Variants in SLC1A7 observed in about 807,000 individuals in gnomAD.
SLC1A7 encodes excitatory amino acid transporter 5.
A neutral mutation model predicts 47.7 loss-of-function variants in SLC1A7; 40 were observed. The observed-to-expected ratio is 0.84, with a 90% CI of 0.65 to 1.09. SLC1A7 has a LOEUF of 1.09. SLC1A7 is among the 50% of genes least tolerant of loss of function. The pLI is 0.00. For missense variants in SLC1A7, 746 were observed against 769.5 expected (o/e 0.97, Z 0.36); for synonymous variants, 323 against 325.6 (o/e 0.99, Z 0.09).
intron 1 of SLC1A7, among the ~76,000 whole-genome samples, chr1:53,136,642 C>CAT (rs1356035272): frequency 7.1e-5 from 6 of 84,572 alleles, no homozygotes; most frequent in Admixed American, 1.6e-4. Flanking sequence ...TATATAAAAA[C>CAT]ATATATATAT....
chr1:53,135,208 G>A (rs1215951622), intron 1 of SLC1A7, among the ~76,000 whole-genome samples: 1 of 152,172 alleles, frequency 6.6e-6, no homozygotes, highest in Non-Finnish European at 1.5e-5. Flanking sequence ...GGTGACCAGA[G>A]GACAGAGCCG....
At position 53,088,779 on chromosome 1, in the gene SLC1A7, G is replaced by A; in HGVS notation, c.1464+98C>T. On this transcript the variant is annotated intron_variant, in intron 10 of 10. Transcript: ENST00000371494. ...GCCCAGAGGCATGGAGGGAGGGATT[G>A]GCTGGAGGCTGCCGAGCTGGTTGGT... 7.4e-6 allele frequency: 6 copies of A among 812,770 alleles called. 1 individual carries two copies. The South Asian group carries it at 9.9e-5, about 13-fold the overall frequency. The allele number at this position is 812,770 out of a possible 1,614,324, so 50.3% of individuals were successfully genotyped here. A position where few individuals can be genotyped will look rare whatever the true frequency, so the allele number is the denominator to read the frequency against.
chr1:53,141,176 G>A (rs1645052992), intron 1 of SLC1A7, among the ~76,000 whole-genome samples: 1 of 152,114 alleles, frequency 6.6e-6, no homozygotes, highest in African/African-American at 2.4e-5. Context: ...TGCCAAGTCA[G>A]TTTAGTGAGG....
chr1:53,102,390 C>T (rs1219082564), intron 5 of SLC1A7: 1 of 152,358 alleles, frequency 6.6e-6, no homozygotes, highest in Non-Finnish European at 1.5e-5. Flanking sequence ...TCCTTGCAAT[C>T]GAGTCTAGTG....
intron 1 of SLC1A7, among the ~76,000 whole-genome samples, chr1:53,137,278 C>T (rs372926370): frequency 0.02 from 631 of 30,966 alleles, 9 homozygotes; most frequent in Non-Finnish European, 0.032. Flanking sequence ...CAGAGGGAGA[C>T]GCTATCTCCA....
rs370418499 is a variant in SLC1A7 at position 53,138,771 on chromosome 1, C to T, written c.135+3544G>A. Among the ~76,000 whole-genome samples, 223 of 152,290 alleles carry T rather than the reference C, an allele frequency of 1.5e-3. 1 individual carries two copies. The highest frequency in any genetic ancestry group is 5.2e-3 in the African/African-American group (215 of 41,572). ...GTTCAAATCAGGGTATTCAGGGTCT[C>T]CAACACTTCGAGTATTTATCCTTTC... On this transcript the variant is annotated intron_variant, in intron 1 of 10. Transcript: ENST00000371494.
chr1:53,088,090 T>A lies in SLC1A7; in HGVS notation c.1602A>T (p.Gln534His), dbSNP rs1644379283. The A allele has an allele frequency of 6.2e-7, 1 of 1,611,124 alleles. No homozygotes were observed. The highest frequency in any genetic ancestry group is 1.3e-5 in the African/African-American group (1 of 75,010). The change falls in exon 11 of 11, where the codon CAA becomes CAT. Residue 534 changes from glutamine to histidine, a missense_variant. By Grantham distance (24) the Gln-to-His change is conservative (BLOSUM62 0). Coordinates refer to ENST00000371494, the MANE Select transcript of SLC1A7 (RefSeq NM_006671.6). ...CGGGCAGCTCCTCATCCTGCTCCACTTGAACGGGGACGTGGTGGGGGCAGG... is the reference window on the plus strand; with the variant it reads ...CGGGCAGCTCCTCATCCTGCTCCACATGAACGGGGACGTGGTGGGGGCAGG... ...GPTCPHHVPV[Q>H]VEQDEELPAA...
chr1:53,098,634 G>A (rs749023032), intron 5 of SLC1A7, among the ~76,000 whole-genome samples: 39 of 141,022 alleles, frequency 2.8e-4, no homozygotes, highest in Non-Finnish European at 4.9e-4. Context: ...ACCTCAGTAC[G>A]TTCACACACA....
chr1:53,141,268 C>T (rs1198886512), intron 1 of SLC1A7, among the ~76,000 whole-genome samples: 1 of 152,142 alleles, frequency 6.6e-6, no homozygotes, highest in Non-Finnish European at 1.5e-5. Context: ...CTGCCTTCAA[C>T]AAGAATCCCC....
At chr1:53,094,798 C>T (rs2150317071) in intron 5 of SLC1A7, among the ~76,000 whole-genome samples, 1 of 152,352 alleles carries the variant, frequency 6.6e-6, no homozygotes, top group South Asian at 2.1e-4. Context: ...TTGGATTTTC[C>T]CAGGGGCATC....
At chr1:53,135,441 A>C (rs1644982490) in intron 1 of SLC1A7, among the ~76,000 whole-genome samples, 1 of 152,200 alleles carries the variant, frequency 6.6e-6, no homozygotes, top group Non-Finnish European at 1.5e-5. Flanking sequence ...AGAGGATCAG[A>C]TTGAATGGGT....
At chr1:53,112,982 C>T (rs189191641) in intron 3 of SLC1A7, among the ~76,000 whole-genome samples, 1 of 152,026 alleles carries the variant, frequency 6.6e-6, no homozygotes, top group African/African-American at 2.4e-5. Context: ...TAGCCCACTC[C>T]CTCACCTCTC....
chr1:53,135,142 T>G (rs947424324), intron 1 of SLC1A7, among the ~76,000 whole-genome samples: 4 of 152,200 alleles, frequency 2.6e-5, no homozygotes, highest in African/African-American at 4.8e-5. Flanking sequence ...CTCCTCCATC[T>G]GCACCACGCA....
chr1:53,089,014 C>T (rs1466994598), intron 9 of SLC1A7, 35 bp from the exon 10 acceptor site: 1 of 1,540,544 alleles, frequency 6.5e-7, no homozygotes, highest in Non-Finnish European at 9.0e-7. Flanking sequence ...GTGGTGGGCA[C>T]TTGAAGGGGA....
At chr1:53,114,376 G>A (rs1045687763) in intron 3 of SLC1A7, among the ~76,000 whole-genome samples, 4 of 152,070 alleles carry the variant, frequency 2.6e-5, no homozygotes, top group African/African-American at 7.2e-5. Flanking sequence ...CCTACCTACC[G>A]GTGACTCTGG....
chr1:53,097,958 C>T (rs1453230798), intron 5 of SLC1A7, among the ~76,000 whole-genome samples: 7 of 144,372 alleles, frequency 4.8e-5, no homozygotes, highest in African/African-American at 1.3e-4. Flanking sequence ...CACCATGCCT[C>T]GGTACACTCA....
intron 1 of SLC1A7, among the ~76,000 whole-genome samples, chr1:53,135,217 C>T (rs12132835): frequency 0.24 from 36,360 of 152,038 alleles, 4,649 homozygotes; most frequent in Admixed American, 0.35. Context: ...AGGACAGAGC[C>T]GAGTACTGTT....
At chr1:53,105,817 C>T (rs1572320252) in intron 3 of SLC1A7, 43 bp from the exon 4 acceptor site, 2 of 1,568,308 alleles carry the variant, frequency 1.3e-6, no homozygotes, top group Non-Finnish European at 1.8e-6. Flanking sequence ...GAGCCCAGGA[C>T]AGGAGGGCCC....
At chr1:53,135,478 C>T (rs1412829480) in intron 1 of SLC1A7, among the ~76,000 whole-genome samples, 4 of 152,316 alleles carry the variant, frequency 2.6e-5, no homozygotes, top group Middle Eastern at 6.8e-3. Context: ...GAAACAGCCC[C>T]CTTTGGCAGA....
Sources: allele counts gnomAD v4.1 joint callset (sites outside exome capture counted in the v4.1 genomes callset), GRCh38; gene constraint gnomAD v4.1.1; transcripts MANE v1.5; gene names NCBI Gene and HGNC (gene_info 2026-07-23, HGNC 2026-07-21).